The following TNFSF4 variants were observed in gnomAD, a reference collection of about 807,000 sequenced individuals.
TNFSF4 encodes the protein tumor necrosis factor ligand superfamily member 4.
TNFSF4 carries 4 observed loss-of-function variants against 7.3 expected under a neutral mutation model. The ratio of observed to expected loss-of-function variants is 0.55; its 90% CI spans 0.27 to 1.25. The LOEUF (loss-of-function observed/expected upper bound fraction) is 1.25. Among genes scored for constraint, TNFSF4 ranks in the 50% most tolerant of loss-of-function variants. TNFSF4 has a pLI of 0.12. For synonymous variants in TNFSF4, 76 were observed against 83.7 expected, an observed-to-expected ratio of 0.91 and a Z score of 0.50; for missense variants, 181 against 208.8, an observed-to-expected ratio of 0.87 and a Z score of 0.82.
the TNFSF4 span, among the ~76,000 whole-genome samples, chr1:173,329,516 T>G: frequency 2.0e-5 from 3 of 152,038 alleles, no homozygotes; most frequent in African/African-American, 7.2e-5. Context: ...AAACAGAGAA[T>G]GTACTGCGGC....
chr1:173,266,499 T>C, the TNFSF4 span, among the ~76,000 whole-genome samples: 2 of 152,130 alleles, frequency 1.3e-5, no homozygotes. Context: ...ACGTACTCTA[T>C]TGTCACTATT....
chr1:173,439,541 G>C, the TNFSF4 span, among the ~76,000 whole-genome samples: 473 of 152,320 alleles, frequency 3.1e-3, 1 homozygote, highest in Middle Eastern at 0.01. Context: ...TGAATGCCCT[G>C]AGTGGCAGCC....
the TNFSF4 span, among the ~76,000 whole-genome samples, chr1:173,369,908 A>G: frequency 6.6e-6 from 1 of 152,026 alleles, no homozygotes; most frequent in Non-Finnish European, 1.5e-5. Context: ...AGGACCTCTC[A>G]GCTTACCCCC....
chr1:173,217,498 C>T, the TNFSF4 span, among the ~76,000 whole-genome samples: 12 of 152,168 alleles, frequency 7.9e-5, no homozygotes, highest in African/African-American at 2.9e-4. Context: ...AGGCACACAC[C>T]TTCTACCGTG....
At chr1:173,358,771 CAGACAT>C in the TNFSF4 span, among the ~76,000 whole-genome samples, 1 of 152,184 alleles carries the variant, frequency 6.6e-6, no homozygotes, top group Admixed American at 6.5e-5. Context: ...ATGAATGTCA[CAGACAT>C]AATGTTTGTT....
At chr1:173,364,246 C>G in the TNFSF4 span, among the ~76,000 whole-genome samples, 1 of 83,218 alleles carries the variant, frequency 1.2e-5, no homozygotes, top group African/African-American at 4.5e-5. Context: ...TATATATGTA[C>G]TGATGTGGAA....
the TNFSF4 span, among the ~76,000 whole-genome samples, chr1:173,177,821 A>G: frequency 3.3e-5 from 5 of 152,230 alleles, no homozygotes; most frequent in African/African-American, 1.2e-4. Flanking sequence ...ATAGAAAGTA[A>G]TAAGTGCCAT....
chr1:173,322,086 T>C, the TNFSF4 span, among the ~76,000 whole-genome samples: 1 of 152,122 alleles, frequency 6.6e-6, no homozygotes, highest in Non-Finnish European at 1.5e-5. Context: ...AATAATAGAC[T>C]GGATAAAGAA....
the TNFSF4 span, among the ~76,000 whole-genome samples, chr1:173,285,344 T>C: frequency 6.6e-6 from 1 of 152,304 alleles, no homozygotes; most frequent in East Asian, 1.9e-4. Flanking sequence ...ATGAGGTGTT[T>C]TTTTGAGATG....
the TNFSF4 span, among the ~76,000 whole-genome samples, chr1:173,342,039 G>C: frequency 6.6e-6 from 1 of 152,014 alleles, no homozygotes; most frequent in Non-Finnish European, 1.5e-5. Context: ...CTAACTTTAG[G>C]GTGATCTGAT....
the TNFSF4 span, chr1:173,351,653 C>T: frequency 1.5e-5 from 4 of 265,106 alleles, no homozygotes; most frequent in Non-Finnish European, 2.8e-5. Flanking sequence ...CAGCTAAGGC[C>T]ATGTTAAGAG....
At chr1:173,306,664 G>A in the TNFSF4 span, among the ~76,000 whole-genome samples, 1 of 151,844 alleles carries the variant, frequency 6.6e-6, no homozygotes, top group African/African-American at 2.4e-5. Flanking sequence ...CATGGAGATG[G>A]CCACTTACAC....
chr1:173,376,440 G>A, the TNFSF4 span, among the ~76,000 whole-genome samples: 2 of 152,150 alleles, frequency 1.3e-5, no homozygotes, highest in African/African-American at 4.8e-5. Flanking sequence ...AGCCTGTTAG[G>A]GGGTGGGGGT....
the TNFSF4 span, among the ~76,000 whole-genome samples, chr1:173,393,238 A>G: frequency 2.6e-5 from 4 of 152,316 alleles, no homozygotes; most frequent in East Asian, 7.7e-4. Context: ...TCTGCCTTCT[A>G]TGTGTATCCC....
chr1:173,414,031 G>C, the TNFSF4 span, among the ~76,000 whole-genome samples: 1 of 152,150 alleles, frequency 6.6e-6, no homozygotes, highest in Non-Finnish European at 1.5e-5. Context: ...ACAAGCCAAC[G>C]TGTGAATTGC....
the TNFSF4 span, among the ~76,000 whole-genome samples, chr1:173,441,247 C>T: frequency 2.0e-5 from 3 of 152,110 alleles, no homozygotes; most frequent in Non-Finnish European, 4.4e-5. Context: ...TACTTCTCAC[C>T]CTTTTCTTCT....
At chr1:173,372,357 C>T in the TNFSF4 span, among the ~76,000 whole-genome samples, 6 of 152,270 alleles carry the variant, frequency 3.9e-5, no homozygotes, top group Non-Finnish European at 7.3e-5. Flanking sequence ...AGAATGGGAA[C>T]CAGAGGCAGA....
At chr1:173,418,363 C>G in the TNFSF4 span, 4 of 152,236 alleles carry the variant, frequency 2.6e-5, no homozygotes, top group South Asian at 2.1e-4. Context: ...ATACGGTGCA[C>G]CTTCCAAAGC....
At chr1:173,230,067 T>C in the TNFSF4 span, among the ~76,000 whole-genome samples, 11 of 152,136 alleles carry the variant, frequency 7.2e-5, no homozygotes, top group African/African-American at 2.7e-4. Flanking sequence ...TGAAATCAGC[T>C]CTGCACCAAG....
Sources: gnomAD v4.1 joint callset for allele counts (sites outside exome capture counted in the v4.1 genomes callset) on GRCh38, gnomAD v4.1.1 for gene constraint, MANE v1.5 for transcripts, NCBI Gene and HGNC (gene_info 2026-07-23, HGNC 2026-07-21) for gene names.